The following SLC35F3 variants were observed in gnomAD, a reference collection of about 807,000 sequenced individuals.
SLC35F3 encodes the protein solute carrier family 35 member F3.
Under a neutral mutation model 49.9 loss-of-function variants are expected in SLC35F3, and 25 were observed. The observed-to-expected ratio is 0.50, with a 90% CI of 0.37 to 0.70. The LOEUF (loss-of-function observed/expected upper bound fraction) is 0.70, where lower values mean the gene tolerates loss of function less well. SLC35F3 is among the 30% of genes least tolerant of loss of function. The probability of loss-of-function intolerance (pLI) is 0.00; values close to 1 mark genes in which losing one functional copy is unlikely to be tolerated. For synonymous variants in SLC35F3, 275 were observed against 265.4 expected (o/e 1.04, Z -0.35); for missense variants, 525 against 639.8 (o/e 0.82, Z 1.94).
intron 3 of SLC35F3, among the ~76,000 whole-genome samples, chr1:234,242,722 T>C (rs150089320): frequency 1.2e-3 from 176 of 152,270 alleles, no homozygotes; most frequent in African/African-American, 3.2e-3. Flanking sequence ...CATTCAGGAG[T>C]GCATCAGAAG....
In SLC35F3 at chr1:233,977,966, G is replaced by A. The variant is rs145660689; in HGVS notation, c.283+72208G>A. On this transcript the variant is annotated intron_variant, in intron 2 of 7. Transcript: ENST00000366618. ...AGGAGCTGTACCTCTGCTTTATGCAGGTTCAGAGACGACAAGGGATAGCAA... is the reference window on the plus strand; with the variant it reads ...AGGAGCTGTACCTCTGCTTTATGCAAGTTCAGAGACGACAAGGGATAGCAA... 2.6e-4 allele frequency among the ~76,000 whole-genome samples: 40 copies of A among 152,318 alleles called. No homozygotes were observed. In the Middle Eastern group the frequency reaches 0.01, roughly 39 times the overall value.
chr1:234,195,159 CCCTT>C (rs2102931422), intron 2 of SLC35F3, among the ~76,000 whole-genome samples: 1 of 152,308 alleles, frequency 6.6e-6, no homozygotes, highest in East Asian at 1.9e-4. Flanking sequence ...GTGGACAGAA[CCCTT>C]CCACTGTCTC....
intron 2 of SLC35F3, among the ~76,000 whole-genome samples, chr1:234,205,236 T>C (rs1666952199): frequency 6.6e-6 from 1 of 152,184 alleles, no homozygotes; most frequent in Admixed American, 6.5e-5. Flanking sequence ...CACTCTGAGG[T>C]AATGGTCTCA....
intron 3 of SLC35F3, among the ~76,000 whole-genome samples, chr1:234,267,866 G>GCCCA (rs1668020445): frequency 7.1e-6 from 1 of 141,810 alleles, no homozygotes; most frequent in Non-Finnish European, 1.5e-5. Context: ...AGGGCGGCGG[G>GCCCA]GCAGAGGTGC....
intron 2 of SLC35F3, among the ~76,000 whole-genome samples, chr1:234,112,229 T>C (rs1665418239): frequency 6.6e-6 from 1 of 151,218 alleles, no homozygotes; most frequent in Non-Finnish European, 1.5e-5. Flanking sequence ...TGCATGCCTG[T>C]GACCCCAGCT....
At chr1:234,053,292 T>A (rs1664405554) in intron 2 of SLC35F3, among the ~76,000 whole-genome samples, 1 of 152,084 alleles carries the variant, frequency 6.6e-6, no homozygotes, top group South Asian at 2.1e-4. Context: ...TGTAGATCTC[T>A]AAGGACTTGC....
intron 2 of SLC35F3, among the ~76,000 whole-genome samples, chr1:234,063,867 C>T (rs1664579006): frequency 6.6e-6 from 1 of 152,164 alleles, no homozygotes; most frequent in African/African-American, 2.4e-5. Flanking sequence ...AGAACTTGGC[C>T]TCATCAACAG....
intron 3 of SLC35F3, among the ~76,000 whole-genome samples, chr1:234,285,954 G>C (rs115435471): frequency 0.015 from 2,312 of 152,184 alleles, 49 homozygotes; most frequent in African/African-American, 0.053. Context: ...GAAATTTCTC[G>C]GGACTTATAA....
At chr1:234,202,071 A>G (rs937831769) in intron 2 of SLC35F3, among the ~76,000 whole-genome samples, 6 of 152,340 alleles carry the variant, frequency 3.9e-5, no homozygotes, top group African/African-American at 1.4e-4. Context: ...GGAACAAGCT[A>G]TAAAAAGGAA....
At chr1:234,111,178 A>G (rs1382722190) in intron 2 of SLC35F3, among the ~76,000 whole-genome samples, 4 of 152,166 alleles carry the variant, frequency 2.6e-5, no homozygotes, top group Non-Finnish European at 5.9e-5. Flanking sequence ...AATTAAAAAA[A>G]TAAAATTTTA....
chr1:234,315,191 A>G (rs1368719170), intron 4 of SLC35F3, among the ~76,000 whole-genome samples: 1 of 152,182 alleles, frequency 6.6e-6, no homozygotes, highest in Non-Finnish European at 1.5e-5. Flanking sequence ...TTACACGACA[A>G]CCACCTGCTC....
At chr1:234,140,129 A>G (rs1338029846) in intron 2 of SLC35F3, among the ~76,000 whole-genome samples, 2 of 152,030 alleles carry the variant, frequency 1.3e-5, no homozygotes, top group Non-Finnish European at 2.9e-5. Flanking sequence ...GGTGATTCAC[A>G]TCCTGGGCAG....
In SLC35F3 at chr1:234,111,235, A is replaced by G. The variant is rs189487423; in HGVS notation, c.284-120182A>G. ...GTGAATTAATTTAATCTAGCTCCTG[A>G]TCTGTGTTCATGTGGACTTGTTTGA... On this transcript the variant is annotated intron_variant, in intron 2 of 7. Transcript: ENST00000366618. Among the ~76,000 whole-genome samples, 593 of 152,114 alleles carry G rather than the reference A, an allele frequency of 3.9e-3. 4 individuals carry two copies. Among genetic ancestry groups the G allele is most frequent in the African/African-American group, 0.013 (531 of 41,520 alleles).
rs550195439 is a variant in SLC35F3, at chr1:234,203,660, G to A, written c.284-27757G>A. Reference sequence around the variant, plus strand: ...TGGGTGGCAGAGGTTGTGGTGAGCCGAGATCACGCCACTGCACTTCAGCCT... The same window carrying A: ...TGGGTGGCAGAGGTTGTGGTGAGCCAAGATCACGCCACTGCACTTCAGCCT... On this transcript the variant is annotated intron_variant, in intron 2 of 7. Coordinates refer to ENST00000366618, the MANE Select transcript of SLC35F3 (RefSeq NM_173508.4). Among the ~76,000 whole-genome samples, 15 of 151,776 alleles carry A rather than the reference G, an allele frequency of 9.9e-5. No homozygotes were observed. In the South Asian group the frequency reaches 2.7e-3, roughly 27 times the overall value.
intron 2 of SLC35F3, among the ~76,000 whole-genome samples, chr1:234,143,278 C>CTTTTTTTTT (rs1394286794): frequency 4.7e-5 from 6 of 127,444 alleles, no homozygotes; most frequent in African/African-American, 1.6e-4. Flanking sequence ...TGACTCTTTT[C>CTTTTTTTTT]TTTTCTTTTC....
In SLC35F3 at chr1:234,323,107, A is replaced by T. The variant is rs756403925; in HGVS notation, c.1337A>T (p.Glu446Val). The T allele has an allele frequency of 6.2e-7, 1 of 1,613,966 alleles. No homozygotes were observed. The highest frequency in any genetic ancestry group is 1.1e-5 in the South Asian group (1 of 91,076). The change falls in exon 8 of 8, where the codon GAG becomes GTG. Residue 446 changes from glutamate to valine, a missense_variant. Glu to Val is a moderately radical substitution (Grantham distance 121). Transcript: ENST00000366618. The surrounding 1 kb of genome is among the most constrained non-coding windows in gnomAD (Gnocchi z 4.5). Reference sequence around the variant, plus strand: ...TTTCTCCTCCTGCTCCTGCCAGAGGAGTGGGATGTCTGGTTGATCAAGCTG... The same window carrying T: ...TTTCTCCTCCTGCTCCTGCCAGAGGTGTGGGATGTCTGGTTGATCAAGCTG... Reference protein sequence around the residue: ...LGFLLLLLPEEWDVWLIKLLT... With the variant: ...LGFLLLLLPEVWDVWLIKLLT...
At chr1:234,010,087 T>A (rs1663692290) in intron 2 of SLC35F3, among the ~76,000 whole-genome samples, 1 of 152,218 alleles carries the variant, frequency 6.6e-6, no homozygotes, top group African/African-American at 2.4e-5. Flanking sequence ...ACATTAGGAC[T>A]GCAATGGTGA....
At chr1:234,063,562 C>T (rs1452416714) in intron 2 of SLC35F3, among the ~76,000 whole-genome samples, 10 of 151,992 alleles carry the variant, frequency 6.6e-5, no homozygotes, top group Non-Finnish European at 1.5e-5. Flanking sequence ...TTCTTCAGAT[C>T]CCCCCAATAA....
intron 2 of SLC35F3, among the ~76,000 whole-genome samples, chr1:233,970,439 A>T (rs766776148): frequency 2.6e-5 from 4 of 152,182 alleles, no homozygotes; most frequent in Non-Finnish European, 5.9e-5. Context: ...GACTGGGTTA[A>T]GATTTGAGGG....
Sources: gnomAD v4.1 joint callset for allele counts (sites outside exome capture counted in the v4.1 genomes callset) on GRCh38, gnomAD v4.1.1 for gene constraint, Gnocchi (gnomAD v3.1) non-coding constraint, MANE v1.5 for transcripts, NCBI Gene and HGNC (gene_info 2026-07-23, HGNC 2026-07-21) for gene names.